DISC1: variants seen among roughly 807,000 people sequenced by gnomAD.
DISC1 encodes the protein DISC1 scaffold protein.
DISC1 carries 57 observed loss-of-function variants against 84.5 expected under a neutral mutation model. That is an observed-to-expected ratio of 0.67 (90% CI 0.55 to 0.84). The LOEUF is 0.84. DISC1 is among the 40% of genes least tolerant of loss of function. The pLI is 0.00. For missense variants in DISC1, 1,000 were observed against 1,057.8 expected, an observed-to-expected ratio of 0.95 and a Z score of 0.76; for synonymous variants, 411 against 415.2, an observed-to-expected ratio of 0.99 and a Z score of 0.12.
intron 3 of DISC1, among the ~76,000 whole-genome samples, chr1:231,735,413 G>C (rs565389501): frequency 6.6e-6 from 1 of 152,118 alleles, no homozygotes; most frequent in African/African-American, 2.4e-5. Context: ...ACTTCCTATG[G>C]GAAAGAGGTG....
chr1:231,673,699 C>T (rs922917223), intron 1 of DISC1, among the ~76,000 whole-genome samples: 1 of 152,212 alleles, frequency 6.6e-6, no homozygotes, highest in Non-Finnish European at 1.5e-5. Flanking sequence ...AACTGGGAAG[C>T]ATGAAGATCT....
intron 9 of DISC1, among the ~76,000 whole-genome samples, chr1:231,887,967 TCTC>T (rs1442440993): frequency 1.3e-5 from 2 of 152,172 alleles, no homozygotes; most frequent in East Asian, 1.9e-4. Flanking sequence ...CATGGATAAA[TCTC>T]CTATAAATCT....
chr1:231,785,588 C>T lies in DISC1; in HGVS notation c.1635-9654C>T, dbSNP rs1002256603. 9.9e-5 allele frequency among the ~76,000 whole-genome samples: 15 copies of T among 152,202 alleles called. No homozygotes were observed. The Middle Eastern group carries it at 0.014, about 138-fold the overall frequency. On this transcript the variant is annotated intron_variant, in intron 6 of 12. Coordinates refer to ENST00000439617, the MANE Select transcript of DISC1 (RefSeq NM_018662.3). ...GGGTTACAGACGTGATCCACCATACCTGGCTGTGTGAGTGTGTTTTCATTA... is the reference window on the plus strand; with the variant it reads ...GGGTTACAGACGTGATCCACCATACTTGGCTGTGTGAGTGTGTTTTCATTA...
intron 12 of DISC1, among the ~76,000 whole-genome samples, chr1:232,027,532 G>A (rs202160938): frequency 2.0e-5 from 3 of 151,448 alleles, no homozygotes; most frequent in East Asian, 3.9e-4. Flanking sequence ...ATCTGTGGAC[G>A]CAGTTTGTCA....
intron 1 of DISC1, among the ~76,000 whole-genome samples, chr1:231,692,995 G>A (rs949124420): frequency 1.3e-5 from 2 of 152,190 alleles, no homozygotes; most frequent in East Asian, 1.9e-4. Context: ...GTTCTAAGCT[G>A]TCTACAAATA....
intron 9 of DISC1, among the ~76,000 whole-genome samples, chr1:231,874,868 G>A (rs989996154): frequency 4.2e-5 from 6 of 143,736 alleles, no homozygotes; most frequent in African/African-American, 7.9e-5. Context: ...CCGAGATCGC[G>A]CCACTACACT....
intron 8 of DISC1, among the ~76,000 whole-genome samples, chr1:231,801,586 T>C (rs1172272138): frequency 6.6e-6 from 1 of 152,208 alleles, no homozygotes; most frequent in African/African-American, 2.4e-5. Flanking sequence ...TCCTGGTAAC[T>C]GACCTTTTGA....
At chr1:231,709,816 A>G (rs2067573283) in intron 3 of DISC1, among the ~76,000 whole-genome samples, 2 of 152,180 alleles carry the variant, frequency 1.3e-5, no homozygotes, top group African/African-American at 2.4e-5. Flanking sequence ...GCATCTGCCT[A>G]TGAGAATCTG....
At chr1:231,960,542 G>T (rs527721502) in intron 10 of DISC1, among the ~76,000 whole-genome samples, 2 of 152,110 alleles carry the variant, frequency 1.3e-5, no homozygotes, top group Non-Finnish European at 2.9e-5. Flanking sequence ...GTGCACCATC[G>T]TGCCCGGCCA....
intron 4 of DISC1, 75 bp downstream of exon 4, chr1:231,750,151 G>A: frequency 6.4e-7 from 1 of 1,553,976 alleles, no homozygotes; most frequent in Non-Finnish European, 8.7e-7. Flanking sequence ...GTGAAGAGCT[G>A]GGAGGAGCTT....
chr1:231,817,858 C>G (rs1193594686), intron 8 of DISC1, among the ~76,000 whole-genome samples: 1 of 152,026 alleles, frequency 6.6e-6, no homozygotes, highest in East Asian at 1.9e-4. Flanking sequence ...GAAATTTGCC[C>G]CAGATGTGCT....
chr1:231,756,279 AC>A (rs1337314501), intron 4 of DISC1, among the ~76,000 whole-genome samples: 2 of 152,264 alleles, frequency 1.3e-5, no homozygotes, highest in East Asian at 3.9e-4. Context: ...ATGACAGCAT[AC>A]CTTGAATGAC....
intron 4 of DISC1, among the ~76,000 whole-genome samples, chr1:231,759,795 T>C (rs1009308306): frequency 2.0e-5 from 3 of 152,080 alleles, no homozygotes; most frequent in Admixed American, 6.5e-5. Context: ...CAAGAGACAG[T>C]GGCATGCCCT....
At chr1:231,841,140 A>C in intron 9 of DISC1, among the ~76,000 whole-genome samples, 1 of 152,216 alleles carries the variant, frequency 6.6e-6, no homozygotes. Context: ...TGCATTTTCA[A>C]ATTAGAGATT....
chr1:231,917,847 A>T (rs2089744299), intron 9 of DISC1, among the ~76,000 whole-genome samples: 1 of 152,250 alleles, frequency 6.6e-6, no homozygotes, highest in African/African-American at 2.4e-5. Context: ...TAATTAAATA[A>T]CATTCTTCAC....
At chr1:232,016,578 G>A (rs964744430) in intron 11 of DISC1, among the ~76,000 whole-genome samples, 1 of 152,204 alleles carries the variant, frequency 6.6e-6, no homozygotes, top group Non-Finnish European at 1.5e-5. Context: ...GCATGATCGT[G>A]TAATATAAAC....
intron 9 of DISC1, among the ~76,000 whole-genome samples, chr1:231,903,847 A>G (rs1032571750): frequency 6.6e-6 from 1 of 152,212 alleles, no homozygotes; most frequent in Non-Finnish European, 1.5e-5. Flanking sequence ...TAAGATGGGA[A>G]ACCATTTCAG....
At chr1:231,824,275 A>G (rs186089402) in intron 9 of DISC1, among the ~76,000 whole-genome samples, 345 of 152,340 alleles carry the variant, frequency 2.3e-3, no homozygotes, top group Middle Eastern at 0.014. Context: ...TATATGGGAA[A>G]TAGATATGTG....
intron 10 of DISC1, among the ~76,000 whole-genome samples, chr1:231,969,457 T>C (rs1661606700): frequency 6.6e-6 from 1 of 151,952 alleles, no homozygotes; most frequent in African/African-American, 2.4e-5. Context: ...CTGGGGAGGA[T>C]TTCCCATCAC....
Sources: allele counts gnomAD v4.1 joint callset (sites outside exome capture counted in the v4.1 genomes callset), GRCh38; gene constraint gnomAD v4.1.1; transcripts MANE v1.5; gene names NCBI Gene and HGNC (gene_info 2026-07-23, HGNC 2026-07-21).